CELF2: variants seen among roughly 807,000 people sequenced by gnomAD.
CELF2 encodes the protein CUG triplet repeat RNA-binding protein 2.
In CELF2, 8 loss-of-function variants were observed where a neutral mutation model predicts 62.6. The ratio of observed to expected loss-of-function variants is 0.13; its 90% CI spans 0.07 to 0.23. The LOEUF (loss-of-function observed/expected upper bound fraction) is 0.23, where lower values mean the gene tolerates loss of function less well. Among genes scored for constraint, CELF2 ranks in the 10% least tolerant of loss-of-function variants. CELF2 has a pLI of 1.00. For missense variants in CELF2, 333 were observed against 671.0 expected (o/e 0.50, Z 5.56); for synonymous variants, 258 against 250.0 (o/e 1.03, Z -0.30).
chr10:10,906,932 T>C (rs1349601578), intron 1 of CELF2, among the ~76,000 whole-genome samples: 12 of 152,058 alleles, frequency 7.9e-5, no homozygotes, highest in Non-Finnish European at 1.5e-4. Flanking sequence ...TTGGCCAGGA[T>C]GGTCTCAATC....
intron 2 of CELF2, among the ~76,000 whole-genome samples, chr10:10,927,854 G>C (rs2065686569): frequency 6.6e-6 from 1 of 151,972 alleles, no homozygotes; most frequent in Non-Finnish European, 1.5e-5. Context: ...TCATTCTCTA[G>C]GTAGAAGTCC....
chr10:11,136,714 TC>T (rs1282314455), intron 1 of CELF2, among the ~76,000 whole-genome samples: 1 of 152,244 alleles, frequency 6.6e-6, no homozygotes, highest in East Asian at 1.9e-4. Context: ...ATAACAGTGT[TC>T]CGGCTGTCAC....
At chr10:10,896,833 G>A (rs2062589033) in intron 1 of CELF2, among the ~76,000 whole-genome samples, 1 of 152,154 alleles carries the variant, frequency 6.6e-6, no homozygotes, top group African/African-American at 2.4e-5. Context: ...GATGCCCATT[G>A]ACTTAGGACA....
At chr10:10,907,824 T>C (rs910855347) in intron 1 of CELF2, among the ~76,000 whole-genome samples, 2 of 152,186 alleles carry the variant, frequency 1.3e-5, no homozygotes, top group Non-Finnish European at 2.9e-5. Flanking sequence ...ATTGAATACA[T>C]TGAATACACA....
At chr10:10,732,424 G>A in the CELF2 span, among the ~76,000 whole-genome samples, 1 of 151,982 alleles carries the variant, frequency 6.6e-6, no homozygotes, top group African/African-American at 2.4e-5. Flanking sequence ...AGCGCTAGGA[G>A]CTGCCTCTCC....
chr10:10,547,703 G>A, the CELF2 span, among the ~76,000 whole-genome samples: 1 of 150,504 alleles, frequency 6.6e-6, no homozygotes, highest in East Asian at 1.9e-4. Context: ...GTGTGTGTGT[G>A]TGTGTGTGTG....
At chr10:10,580,435 C>A in the CELF2 span, among the ~76,000 whole-genome samples, 1 of 152,022 alleles carries the variant, frequency 6.6e-6, no homozygotes, top group Non-Finnish European at 1.5e-5. Flanking sequence ...ATAAGAAATC[C>A]TTTTTTTACT....
chr10:10,651,647 T>G, the CELF2 span, among the ~76,000 whole-genome samples: 77 of 149,396 alleles, frequency 5.2e-4, no homozygotes, highest in Middle Eastern at 3.4e-3. Context: ...CCAACAGACC[T>G]GCAGCTGAGG....
the CELF2 span, among the ~76,000 whole-genome samples, chr10:10,716,120 A>G: frequency 6.6e-6 from 1 of 152,250 alleles, no homozygotes; most frequent in Non-Finnish European, 1.5e-5. Flanking sequence ...ATATATAGTC[A>G]TCCATGTAAA....
chr10:10,818,806 A>G (rs1408259477), intron 1 of CELF2, among the ~76,000 whole-genome samples: 1 of 152,002 alleles, frequency 6.6e-6, no homozygotes, highest in Non-Finnish European at 1.5e-5. Flanking sequence ...TCGACCTCCT[A>G]ACCTCGAGTA....
At chr10:11,074,456 G>A (rs180725721) in intron 1 of CELF2, among the ~76,000 whole-genome samples, 14 of 152,224 alleles carry the variant, frequency 9.2e-5, no homozygotes, top group Admixed American at 2.0e-4. Flanking sequence ...GAACCCTTCC[G>A]TTTTCCAAAT....
At chr10:11,001,044 A>G (rs921541850), upstream of CELF2, among the ~76,000 whole-genome samples, 1 of 152,110 alleles carries the variant, frequency 6.6e-6, no homozygotes, top group Admixed American at 6.5e-5. Flanking sequence ...ACGTTCATCC[A>G]TTTGCACGTG....
the CELF2 span, among the ~76,000 whole-genome samples, chr10:10,692,388 G>A: frequency 5.3e-5 from 8 of 149,722 alleles, no homozygotes; most frequent in South Asian, 4.3e-4. Context: ...TGGTACCAGT[G>A]CCATGCTGTT....
the CELF2 span, among the ~76,000 whole-genome samples, chr10:10,628,064 A>G: frequency 6.6e-6 from 1 of 151,990 alleles, no homozygotes; most frequent in African/African-American, 2.4e-5. Context: ...CACCACGCCT[A>G]GCTCATTTTT....
chr10:10,742,565 C>G, the CELF2 span, among the ~76,000 whole-genome samples: 1 of 141,100 alleles, frequency 7.1e-6, no homozygotes, highest in African/African-American at 2.7e-5. Flanking sequence ...CACAGTACTG[C>G]AGCAACAGAG....
intron 1 of CELF2, among the ~76,000 whole-genome samples, chr10:11,053,343 T>C (rs1470927550): frequency 6.6e-6 from 1 of 152,232 alleles, no homozygotes; most frequent in Non-Finnish European, 1.5e-5. Flanking sequence ...CAGTATTTTC[T>C]AGTGCATGAA....
chr10:10,725,419 G>A, the CELF2 span, among the ~76,000 whole-genome samples: 1 of 152,282 alleles, frequency 6.6e-6, no homozygotes, highest in Non-Finnish European at 1.5e-5. Flanking sequence ...ATTGTGACGG[G>A]TGAAGAACAA....
At chr10:10,881,125 A>G (rs1409993792) in intron 1 of CELF2, among the ~76,000 whole-genome samples, 1 of 152,206 alleles carries the variant, frequency 6.6e-6, no homozygotes, top group Non-Finnish European at 1.5e-5. Context: ...ACGTGATTCT[A>G]TGGCCTCACC....
At chr10:10,733,781 A>G in the CELF2 span, among the ~76,000 whole-genome samples, 6 of 152,242 alleles carry the variant, frequency 3.9e-5, no homozygotes, top group East Asian at 5.8e-4. Flanking sequence ...CCACAATTCA[A>G]TCGTCTCCCA....
Sources: allele counts gnomAD v4.1 joint callset (sites outside exome capture counted in the v4.1 genomes callset), GRCh38; gene constraint gnomAD v4.1.1; transcripts MANE v1.5; gene names NCBI Gene and HGNC (gene_info 2026-07-23, HGNC 2026-07-21).